Variants in SYN3 observed in about 807,000 individuals in gnomAD.
SYN3 encodes synapsin-3.
In SYN3, 35 loss-of-function variants were observed where a neutral mutation model predicts 65.8. That is an observed-to-expected ratio of 0.53 (90% CI 0.41 to 0.70). The LOEUF is 0.70. Ranked by LOEUF, SYN3 falls within the 30% of genes least tolerant of loss-of-function variation. SYN3 has a pLI of 0.00. For synonymous variants in SYN3, 270 were observed against 292.9 expected, an observed-to-expected ratio of 0.92 and a Z score of 0.80; for missense variants, 680 against 749.0, an observed-to-expected ratio of 0.91 and a Z score of 1.08.
At chr22:32,671,055 T>C (rs1423577226) in intron 6 of SYN3, among the ~76,000 whole-genome samples, 1 of 152,218 alleles carries the variant, frequency 6.6e-6, no homozygotes, top group Non-Finnish European at 1.5e-5. Context: ...TTGGCACATC[T>C]CTTTCTTCAG....
At chr22:32,619,993 G>A (rs1409826460) in intron 6 of SYN3, among the ~76,000 whole-genome samples, 2 of 152,200 alleles carry the variant, frequency 1.3e-5, no homozygotes, top group Non-Finnish European at 2.9e-5. Context: ...CAGAGCTACC[G>A]ACATGACCAC....
At chr22:32,765,510 TG>T (rs1192114445) in intron 6 of SYN3, among the ~76,000 whole-genome samples, 2 of 151,810 alleles carry the variant, frequency 1.3e-5, no homozygotes, top group African/African-American at 4.8e-5. Flanking sequence ...AACAGGAAAG[TG>T]GAGGACAACT....
chr22:32,938,455 G>A (rs895328123), intron 3 of SYN3, among the ~76,000 whole-genome samples: 12 of 151,654 alleles, frequency 7.9e-5, no homozygotes, highest in Admixed American at 1.3e-4. Context: ...GCATGAACCC[G>A]GGAGGCAGAG....
At chr22:32,904,362 G>C (rs80693) in intron 4 of SYN3, among the ~76,000 whole-genome samples, 3 of 152,256 alleles carry the variant, frequency 2.0e-5, no homozygotes, top group East Asian at 3.9e-4. Flanking sequence ...CAGATGCAGA[G>C]AGTCTGCAGA....
chr22:32,549,627 G>T (rs553046630), intron 7 of SYN3, among the ~76,000 whole-genome samples: 1 of 152,176 alleles, frequency 6.6e-6, no homozygotes, highest in East Asian at 1.9e-4. Flanking sequence ...GGCTGGGTGC[G>T]CAGGCTCACG....
chr22:33,006,694 A>G lies in SYN3; in HGVS notation c.-32T>C. Reference sequence around the variant, plus strand: ...GGATGGATGGAGATGACTGGCTCCTACCCAGACGTGTGTAGGTGAGGCCCA... The same window carrying G: ...GGATGGATGGAGATGACTGGCTCCTGCCCAGACGTGTGTAGGTGAGGCCCA... On this transcript the variant is annotated 5_prime_UTR_variant, in exon 2 of 14. Coordinates refer to ENST00000358763, the MANE Select transcript of SYN3 (RefSeq NM_003490.4). 2 of 1,544,726 alleles carry G rather than the reference A, an allele frequency of 1.3e-6. No individual in the cohort carries two copies. Among genetic ancestry groups the G allele is most frequent in the Non-Finnish European group, 1.7e-6 (2 of 1,144,808 alleles).
intron 6 of SYN3, among the ~76,000 whole-genome samples, chr22:32,804,758 T>C (rs766750145): frequency 1.3e-5 from 2 of 152,118 alleles, no homozygotes; most frequent in Non-Finnish European, 2.9e-5. Flanking sequence ...TGGAAGTGTT[T>C]AGGAGAAGAA....
At chr22:32,534,251 A>G (rs1004756043) in intron 9 of SYN3, among the ~76,000 whole-genome samples, 3 of 152,040 alleles carry the variant, frequency 2.0e-5, no homozygotes, top group Non-Finnish European at 4.4e-5. Flanking sequence ...GCTCTGCAGT[A>G]ATGGGGAGCT....
chr22:32,704,138 T>C (rs551227397), intron 6 of SYN3, among the ~76,000 whole-genome samples: 1 of 151,958 alleles, frequency 6.6e-6, no homozygotes, highest in Non-Finnish European at 1.5e-5. Flanking sequence ...GTCACAGGGG[T>C]TTATGTACAG....
At chr22:32,810,639 G>GC (rs753800263) in intron 6 of SYN3, among the ~76,000 whole-genome samples, 4 of 152,182 alleles carry the variant, frequency 2.6e-5, no homozygotes, top group Non-Finnish European at 5.9e-5. Context: ...CTCTGCCTCT[G>GC]CCCATGAGGG....
chr22:32,706,765 A>G (rs1263297904), intron 6 of SYN3, among the ~76,000 whole-genome samples: 1 of 152,240 alleles, frequency 6.6e-6, no homozygotes, highest in Non-Finnish European at 1.5e-5. Context: ...AGTCTCTTTC[A>G]TATGTACCCC....
intron 6 of SYN3, among the ~76,000 whole-genome samples, chr22:32,711,830 C>T (rs535538709): frequency 3.3e-5 from 5 of 152,308 alleles, no homozygotes; most frequent in Admixed American, 6.5e-5. Flanking sequence ...AACATCTTCT[C>T]GGAAATGCTT....
At chr22:32,745,185 G>A (rs2044890738) in intron 6 of SYN3, among the ~76,000 whole-genome samples, 1 of 152,140 alleles carries the variant, frequency 6.6e-6, no homozygotes, top group Non-Finnish European at 1.5e-5. Flanking sequence ...TCTAAACTCT[G>A]CGCTCCCAGC....
At chr22:32,515,318 T>C (rs1006843510) in intron 13 of SYN3, among the ~76,000 whole-genome samples, 7 of 152,202 alleles carry the variant, frequency 4.6e-5, no homozygotes, top group Non-Finnish European at 8.8e-5. Flanking sequence ...TAAGCCTCTG[T>C]AGTGGCAGCA....
intron 6 of SYN3, among the ~76,000 whole-genome samples, chr22:32,668,286 G>T (rs1488990829): frequency 6.6e-6 from 1 of 152,206 alleles, no homozygotes; most frequent in African/African-American, 2.4e-5. Context: ...CTGTGGATGA[G>T]AAATTGTTAC....
intron 6 of SYN3, among the ~76,000 whole-genome samples, chr22:32,802,910 C>G (rs2046628170): frequency 6.6e-6 from 1 of 152,068 alleles, no homozygotes; most frequent in South Asian, 2.1e-4. Context: ...ACAAACCTGC[C>G]AAGGGTCACA....
intron 6 of SYN3, among the ~76,000 whole-genome samples, chr22:32,774,753 C>T (rs997989838): frequency 2.6e-5 from 4 of 152,176 alleles, no homozygotes; most frequent in African/African-American, 7.2e-5. Context: ...TGCCACCACA[C>T]CTGGCTAATT....
intron 8 of SYN3, 90 bp from the exon 9 acceptor site, chr22:32,538,200 G>T: frequency 8.8e-7 from 1 of 1,141,586 alleles, no homozygotes; most frequent in South Asian, 1.2e-5. Context: ...AGGAGGCTCT[G>T]ATTCAAATAA....
chr22:32,560,876 T>C (rs147461566), intron 7 of SYN3, among the ~76,000 whole-genome samples: 5,533 of 152,260 alleles, frequency 0.036, 145 homozygotes, highest in Middle Eastern at 0.082. Flanking sequence ...GACAGTGGCT[T>C]GAACGAGGGT....
Sources: allele counts gnomAD v4.1 joint callset (sites outside exome capture counted in the v4.1 genomes callset), GRCh38; gene constraint gnomAD v4.1.1; transcripts MANE v1.5; gene names NCBI Gene and HGNC (gene_info 2026-07-23, HGNC 2026-07-21).